CARD14: variants seen among roughly 807,000 people sequenced by gnomAD.
CARD14 encodes caspase recruitment domain family member 14, also known as caspase recruitment domain-containing protein 14.
Under a neutral mutation model 111.5 loss-of-function variants are expected in CARD14, and 107 were observed. That is an observed-to-expected ratio of 0.96 (90% confidence interval 0.82 to 1.13). The LOEUF (loss-of-function observed/expected upper bound fraction) is 1.13. CARD14 is among the 50% of genes most tolerant of loss of function. The pLI, the probability that CARD14 is intolerant of heterozygous loss-of-function variation, is 0.00. For missense variants in CARD14, 1,322 were observed against 1,362.3 expected (o/e 0.97, Z 0.47); for synonymous variants, 617 against 579.6 (o/e 1.06, Z -0.93).
At chr17:80,187,663 A>G (rs932205272) in intron 7 of CARD14, 1 of 678,720 alleles carries the variant, frequency 1.5e-6, no homozygotes, top group Non-Finnish European at 1.8e-6. Context: ...CCCAGGGGTG[A>G]GCACCGGCAC....
Position 80,188,711 on chromosome 17 carries a change from T to C in CARD14, c.843+167T>C. On this transcript the variant is annotated intron_variant, in intron 8 of 23. Transcript: ENST00000648509. This position sits in a 1 kb window ranked among gnomAD's most constrained non-coding sequence, Gnocchi z 4.5. ...CTCTTTACCTCCTTCCTTCCTGCTG[T>C]TCCCCAGACCCCAAAATTGGCAGAA... 1 of 622,212 alleles carries C rather than the reference T, an allele frequency of 1.6e-6. No homozygotes were observed. Among genetic ancestry groups the C allele is most frequent in the Non-Finnish European group, 2.4e-6 (1 of 424,506 alleles). The allele number at this position is 622,212 out of a possible 1,614,324, so 38.5% of individuals were successfully genotyped here.
intron 12 of CARD14, among the ~76,000 whole-genome samples, 195 bp downstream of exon 12, chr17:80,192,814 G>A (rs557675003): frequency 2.0e-5 from 3 of 152,304 alleles, no homozygotes; most frequent in African/African-American, 7.2e-5. Context: ...GTGCAGTGAT[G>A]TGATTTCGGC....
chr17:80,202,654 G>C, intron 18 of CARD14: 1 of 1,368,186 alleles, frequency 7.3e-7, no homozygotes, highest in Non-Finnish European at 9.5e-7. Context: ...GGGTTTCTTA[G>C]CTCTGGGTTT....
intron 7 of CARD14, among the ~76,000 whole-genome samples, chr17:80,186,434 G>A (rs912631058): frequency 1.3e-5 from 2 of 152,298 alleles, no homozygotes; most frequent in Non-Finnish European, 2.9e-5. Flanking sequence ...TGTTTTTGGA[G>A]AACCAACTGC....
intron 2 of CARD14, among the ~76,000 whole-genome samples, chr17:80,176,670 G>A (rs1028581818): frequency 6.6e-6 from 1 of 152,146 alleles, no homozygotes; most frequent in Non-Finnish European, 1.5e-5. Context: ...CTGGAGTGGG[G>A]GCCCTGGGCT....
Position 80,208,208 on chromosome 17 carries a change from C to T in CARD14, c.2878C>T (p.Leu960=). 6 of 1,556,856 alleles carry T rather than the reference C, an allele frequency of 3.9e-6. No homozygotes were observed. Among genetic ancestry groups the T allele is most frequent in the Non-Finnish European group, 4.3e-6 (5 of 1,150,086 alleles). Residue 960 remains leucine, a synonymous_variant, in exon 24 of 24, where the codon CTG becomes TTG. Transcript: ENST00000648509. ...LEAARQEEGD[L]DRAPCLYSSL... The stretch of plus-strand genomic sequence containing the variant: ...GGCTGCGAGGCAGGAGGAGGGAGAC[C>T]TGGACCGGGCGCCCTGTCTATACAG...
rs1287168480 is a variant in CARD14 at position 80,201,731 on chromosome 17, G to A, written c.1852-13G>A. ...CCGGGGGAAAGAGACTGACCTTCTC[G>A]ACTTGCCCTCAGGTTGATTACGAAG... On this transcript the variant is annotated splice_polypyrimidine_tract_variant and intron_variant, in intron 16 of 23. Transcript: ENST00000648509. This position sits in a 1 kb window ranked among gnomAD's most constrained non-coding sequence, Gnocchi z 5.0. The A allele has an allele frequency of 6.2e-6, 10 of 1,613,834 alleles. No homozygotes were observed. The highest frequency in any genetic ancestry group is 4.5e-5 in the East Asian group (2 of 44,868).
At chr17:80,177,828 G>A (rs1028253103) in intron 2 of CARD14, among the ~76,000 whole-genome samples, 8 of 152,116 alleles carry the variant, frequency 5.3e-5, no homozygotes, top group African/African-American at 1.7e-4. Context: ...ACAGGCATGA[G>A]CCACCACACC....
Position 80,208,324 on chromosome 17 carries a change from G to T in CARD14, c.2994G>T (p.Trp998Cys). The change falls in exon 24 of 24, where the codon TGG (tryptophan) becomes TGT (cysteine). Residue 998 changes from tryptophan (W) to cysteine (C), a missense_variant. Physicochemically the swap from Trp to Cys is radical, Grantham distance 215. Transcript: ENST00000648509. ...CCGACGAGCAGAAGAAGGTGGTGTG[G>T]ACGGAGCAGAGCCCCCGATGATGCA... ...AIADEQKKVV[W>C]TEQSPR 1 of 1,603,024 alleles carries T rather than the reference G, an allele frequency of 6.2e-7. No homozygotes were observed. Among genetic ancestry groups the T allele is most frequent in the Admixed American group, 1.7e-5 (1 of 58,650 alleles).
rs764137592 is a variant in CARD14 at position 80,198,466 on chromosome 17, G to A, written c.1726G>A (p.Gly576Arg). 2.5e-6 allele frequency: 4 copies of A among 1,612,760 alleles called. No homozygotes were observed. The Admixed American group carries it at 6.7e-5, about 27-fold the overall frequency. Reference sequence around the variant, plus strand: ...CCAGGTCACCATGCTGGCGTTCCAGGGGGATGCATTGCTGGAGCAGATCAG... The same window carrying A: ...CCAGGTCACCATGCTGGCGTTCCAGAGGGATGCATTGCTGGAGCAGATCAG... ...LSQVTMLAFQ[G>R]DALLEQISVI... The change falls in exon 16 of 24, where the codon GGG (glycine) becomes AGG (arginine). Residue 576 changes from glycine (G) to arginine (R), a missense_variant. By Grantham distance (125) the Gly-to-Arg change is moderately radical. Transcript: ENST00000648509. This position sits in a 1 kb window ranked among gnomAD's most constrained non-coding sequence, Gnocchi z 7.5.
At position 80,207,065 on chromosome 17, in the gene CARD14, G is replaced by T; in HGVS notation, c.2787G>T (p.Glu929Asp). 1 of 1,613,536 alleles carries T rather than the reference G, an allele frequency of 6.2e-7. No homozygotes were observed. The highest frequency in any genetic ancestry group is 8.5e-7 in the Non-Finnish European group (1 of 1,179,530). The change falls in exon 23 of 24, where the codon GAG (glutamate) becomes GAT (aspartate). Residue 929 changes from glutamate to aspartate, a missense_variant. Transcript: ENST00000648509. The stretch of plus-strand genomic sequence containing the variant: ...TCGTCATCCACGTCTCTGTCAACGA[G>T]AAGATGGCAAAGAAGCTCAAGTAGG... ...FPIVIHVSVN[E>D]KMAKKLKKGL...
intron 2 of CARD14, among the ~76,000 whole-genome samples, chr17:80,178,267 CT>C (rs1226930392): frequency 6.6e-6 from 1 of 152,148 alleles, no homozygotes; most frequent in East Asian, 1.9e-4. Context: ...GTCAACTCTC[CT>C]TGGTAGTCTA....
chr17:80,204,235 T>C lies in CARD14; in HGVS notation c.2292T>C (p.Ser764=), dbSNP rs761028080. Reference sequence around the variant, plus strand: ...CTCTGTCCCTCCTTTAGCCATCTTCTGGGGGACCACAGAAGCTGGTCCGCA... The same window carrying C: ...CTCTGTCCCTCCTTTAGCCATCTTCCGGGGGACCACAGAAGCTGGTCCGCA... The part of the protein sequence containing the change: ...QQCTVTRKPS[S]GGPQKLVRIV... The change falls in exon 20 of 24, where the codon TCT becomes TCC. Residue 764 remains serine (S), a synonymous_variant. Coordinates refer to ENST00000648509, the MANE Select transcript of CARD14 (RefSeq NM_001366385.1). 1 of 1,589,676 alleles carries C rather than the reference T, an allele frequency of 6.3e-7. No individual in the cohort carries two copies. The highest frequency in any genetic ancestry group is 8.6e-7 in the Non-Finnish European group (1 of 1,161,384).
chr17:80,190,444 C>A (rs112903550), intron 9 of CARD14, among the ~76,000 whole-genome samples: 1 of 152,012 alleles, frequency 6.6e-6, no homozygotes, highest in Non-Finnish European at 1.5e-5. Flanking sequence ...GAAACCCTGT[C>A]TCTACTAAAA....
At chr17:80,184,834 G>A (rs1035199664) in intron 7 of CARD14, among the ~76,000 whole-genome samples, 1 of 145,282 alleles carries the variant, frequency 6.9e-6, no homozygotes, top group African/African-American at 2.6e-5. Flanking sequence ...ACTCAGGCGG[G>A]ATAGTTGGTC....
intron 2 of CARD14, among the ~76,000 whole-genome samples, chr17:80,176,278 A>G (rs1333163845): frequency 2.6e-5 from 4 of 151,046 alleles, no homozygotes; most frequent in African/African-American, 9.7e-5. Flanking sequence ...AAAAAACAAC[A>G]ACAACAAAAA....
rs942105622 is a variant in CARD14 at position 80,199,203 on chromosome 17, T to C, written c.1851+612T>C. Among the ~76,000 whole-genome samples the C allele has an allele frequency of 6.6e-5, 10 of 152,174 alleles. No homozygotes were observed. In the East Asian group the frequency reaches 1.2e-3, roughly 18 times the overall value. ...CTGAGAAGATAAATGGACACAAATA[T>C]ACAACCTGGCCAGGTGTGGTGGCTC... On this transcript the variant is annotated intron_variant, in intron 16 of 23. Coordinates refer to ENST00000648509, the MANE Select transcript of CARD14 (RefSeq NM_001366385.1).
Position 80,208,697 on chromosome 17 carries a change from GC to G in CARD14, c.*355del, listed in dbSNP as rs1295146857. ...TCTCTGGAAAACCGCCTGTCTGCAG[GC>G]CCGATTCAAATCTATGGGGGCTGCA... On this transcript the variant is annotated 3_prime_UTR_variant, in exon 24 of 24. Coordinates refer to ENST00000648509, the MANE Select transcript of CARD14 (RefSeq NM_001366385.1). 6 of 227,668 alleles carry G rather than the reference GC, an allele frequency of 2.6e-5. No individual in the cohort carries two copies. Among genetic ancestry groups the G allele is most frequent in the Non-Finnish European group, 3.4e-5 (4 of 117,710 alleles). The allele number at this position is 227,668 out of a possible 1,614,324, so 14.1% of individuals were successfully genotyped here. A position where few individuals can be genotyped will look rare whatever the true frequency, so the allele number is the denominator to read the frequency against.
chr17:80,193,425 C>CCAGACATGAG (rs1402293170), intron 12 of CARD14, among the ~76,000 whole-genome samples: 2 of 151,788 alleles, frequency 1.3e-5, no homozygotes, highest in African/African-American at 4.8e-5. Flanking sequence ...CACATGGTCC[C>CCAGACATGAG]TGGGATGCCG....
Sources: gnomAD v4.1 joint callset for allele counts (sites outside exome capture counted in the v4.1 genomes callset) on GRCh38, gnomAD v4.1.1 for gene constraint, Gnocchi (gnomAD v3.1) non-coding constraint, MANE v1.5 for transcripts, NCBI Gene and HGNC (gene_info 2026-07-23, HGNC 2026-07-21) for gene names.